The following DAB1 variants were observed in gnomAD, a reference collection of about 807,000 sequenced individuals.
DAB1 encodes the protein disabled homolog 1.
Under a neutral mutation model 64.6 loss-of-function variants are expected in DAB1, and 15 were observed. The observed-to-expected ratio is 0.23, with a 90% CI of 0.16 to 0.36. The LOEUF (loss-of-function observed/expected upper bound fraction) is 0.36. Among genes scored for constraint, DAB1 ranks in the 10% least tolerant of loss-of-function variants. The probability of loss-of-function intolerance (pLI) is 1.00; values close to 1 mark genes in which losing one functional copy is unlikely to be tolerated. For synonymous variants in DAB1, 235 were observed against 251.9 expected (o/e 0.93, Z 0.64); for missense variants, 596 against 706.7 (o/e 0.84, Z 1.78).
intron 4 of DAB1, among the ~76,000 whole-genome samples, chr1:57,092,273 G>A (rs6697173): frequency 0.031 from 4,782 of 152,152 alleles, 166 homozygotes; most frequent in African/African-American, 0.077. Flanking sequence ...TAGACATGGC[G>A]CCTGCTCCTT....
intron 6 of DAB1, among the ~76,000 whole-genome samples, chr1:57,675,389 T>G (rs148734644): frequency 1.3e-5 from 2 of 152,326 alleles, no homozygotes; most frequent in African/African-American, 4.8e-5. Flanking sequence ...AGAGTCGTGA[T>G]AAAATAAGTG....
intron 3 of DAB1, among the ~76,000 whole-genome samples, chr1:57,139,801 G>A (rs950546401): frequency 6.6e-6 from 1 of 152,058 alleles, no homozygotes; most frequent in African/African-American, 2.4e-5. Flanking sequence ...GAATTCCCTG[G>A]TAGAATATGG....
intron 4 of DAB1, among the ~76,000 whole-genome samples, chr1:57,103,881 G>A (rs1570697618): frequency 6.6e-6 from 1 of 152,116 alleles, no homozygotes; most frequent in East Asian, 1.9e-4. Context: ...GATGTTGGGA[G>A]GCTGGGTGAC....
intron 5 of DAB1, among the ~76,000 whole-genome samples, chr1:58,139,146 C>T (rs1159082074): frequency 6.6e-6 from 1 of 152,132 alleles, no homozygotes; most frequent in Non-Finnish European, 1.5e-5. Flanking sequence ...GAAAACCTCT[C>T]ACTGTTCCAC....
chr1:57,070,852 GT>G, intron 7 of DAB1, 170 bp downstream of exon 7: 1 of 672,392 alleles, frequency 1.5e-6, no homozygotes, highest in Non-Finnish European at 2.7e-6. Context: ...ACTTCTGTTA[GT>G]TTTTATGGAA....
At chr1:57,030,562 G>A (rs1333691051) in intron 9 of DAB1, among the ~76,000 whole-genome samples, 1 of 152,206 alleles carries the variant, frequency 6.6e-6, no homozygotes, top group African/African-American at 2.4e-5. Context: ...GAGAGAGGAG[G>A]CCAGTGTGGT....
chr1:57,840,107 C>T (rs866141743), intron 1 of DAB1, among the ~76,000 whole-genome samples: 4 of 152,156 alleles, frequency 2.6e-5, no homozygotes, highest in African/African-American at 9.7e-5. Context: ...GATAAAACAC[C>T]TGTTATGCCA....
intron 1 of DAB1, among the ~76,000 whole-genome samples, chr1:57,306,536 T>A (rs1674195382): frequency 1.4e-5 from 2 of 144,610 alleles, no homozygotes; most frequent in African/African-American, 2.7e-5. Flanking sequence ...TTTTTTTTTT[T>A]ACACACATCT....
intron 1 of DAB1, among the ~76,000 whole-genome samples, chr1:57,342,893 C>T (rs762884638): frequency 1.3e-5 from 2 of 152,152 alleles, no homozygotes; most frequent in Non-Finnish European, 2.9e-5. Flanking sequence ...GTGAGTATTA[C>T]AGCTCATAAA....
chr1:58,174,728 C>T (rs1346953423), intron 4 of DAB1, among the ~76,000 whole-genome samples: 1 of 152,056 alleles, frequency 6.6e-6, no homozygotes, highest in African/African-American at 2.4e-5. Context: ...ATGTACCAAT[C>T]AGTGCTCTGT....
chr1:57,673,874 T>C lies in DAB1; in HGVS notation n.552-24209A>G, dbSNP rs372976691. ...CTTTTCTAAAAGTCACTATTTTGAT[T>C]TGGGTATTTTCTATTCTTGAGCGCC... is the stretch of plus-strand genomic sequence containing the variant. On this transcript the variant is annotated intron_variant and non_coding_transcript_variant, in intron 6 of 20. Transcript: ENST00000485760. Among the ~76,000 whole-genome samples the C allele has an allele frequency of 2.1e-3, 323 of 152,256 alleles. 3 individuals are homozygous for C. Among genetic ancestry groups the C allele is most frequent in the African/African-American group, 7.3e-3 (302 of 41,554 alleles).
intron 5 of DAB1, among the ~76,000 whole-genome samples, chr1:58,140,455 T>C (rs1056619952): frequency 8.5e-5 from 13 of 152,142 alleles, no homozygotes; most frequent in Non-Finnish European, 1.5e-4. Flanking sequence ...CTTAAAAGCA[T>C]GGAAATATAA....
At chr1:57,536,294 G>A (rs1246682987) in intron 7 of DAB1, among the ~76,000 whole-genome samples, 1 of 152,184 alleles carries the variant, frequency 6.6e-6, no homozygotes, top group Non-Finnish European at 1.5e-5. Context: ...AAAACTTTGT[G>A]AGTCAGCTAG....
chr1:57,954,205 T>C (rs1006773349), intron 5 of DAB1, among the ~76,000 whole-genome samples: 4 of 152,148 alleles, frequency 2.6e-5, no homozygotes, highest in African/African-American at 9.7e-5. Flanking sequence ...TGGCCATCTA[T>C]TTTTCGGTCT....
At chr1:57,623,381 G>C (rs1041317022) in intron 7 of DAB1, among the ~76,000 whole-genome samples, 27 of 152,272 alleles carry the variant, frequency 1.8e-4, no homozygotes, top group African/African-American at 6.3e-4. Flanking sequence ...ATGCCAGGAT[G>C]GTGGTCTAGC....
At chr1:57,797,526 A>G (rs1367858476) in intron 6 of DAB1, among the ~76,000 whole-genome samples, 1 of 152,264 alleles carries the variant, frequency 6.6e-6, no homozygotes, top group Non-Finnish European at 1.5e-5. Context: ...TCTTACCTTT[A>G]GCTGGAAAAC....
chr1:57,059,771 A>C (rs1650191416), intron 9 of DAB1, among the ~76,000 whole-genome samples: 1 of 152,182 alleles, frequency 6.6e-6, no homozygotes. Context: ...TGAGTCTCTG[A>C]GGCAAGGAAA....
At chr1:57,129,204 G>T (rs1319628906) in intron 4 of DAB1, among the ~76,000 whole-genome samples, 1 of 152,108 alleles carries the variant, frequency 6.6e-6, no homozygotes, top group Non-Finnish European at 1.5e-5. Flanking sequence ...ACTTTCCAGG[G>T]CATTGTAACA....
At position 57,894,720 on chromosome 1, in the gene DAB1, G is replaced by C. The variant is rs72918576; in HGVS notation, n.388-10558C>G. Among the ~76,000 whole-genome samples, 15 of 152,284 alleles carry C rather than the reference G, an allele frequency of 9.9e-5. No homozygotes were observed. The South Asian group carries it at 3.1e-3, about 32-fold the overall frequency. On this transcript the variant is annotated intron_variant and non_coding_transcript_variant, in intron 5 of 20. Coordinates refer to the DAB1 transcript ENST00000485760. ...TTGAAAAGATCACCCTGGCTGCCCT[G>C]TGGAGAAAGGTTTGTAAGGGGCAAC... is the stretch of plus-strand genomic sequence containing the variant.
Sources: allele counts gnomAD v4.1 joint callset (sites outside exome capture counted in the v4.1 genomes callset), GRCh38; gene constraint gnomAD v4.1.1; transcripts MANE v1.5; gene names NCBI Gene and HGNC (gene_info 2026-07-23, HGNC 2026-07-21).